SEMA3C: variants seen among roughly 807,000 people sequenced by gnomAD.
The protein encoded by SEMA3C is semaphorin-3C.
SEMA3C carries 47 observed loss-of-function variants against 89.4 expected under a neutral mutation model. The ratio of observed to expected loss-of-function variants is 0.53; its 90% CI spans 0.42 to 0.67. SEMA3C has a LOEUF of 0.67. Ranked by LOEUF, SEMA3C falls within the 30% of genes least tolerant of loss-of-function variation. The pLI is 0.00. For synonymous variants in SEMA3C, 310 were observed against 320.2 expected (o/e 0.97, Z 0.34); for missense variants, 839 against 929.1 (o/e 0.90, Z 1.26).
At chr7:80,876,755 G>C (rs1791212989) in intron 2 of SEMA3C, among the ~76,000 whole-genome samples, 2 of 152,048 alleles carry the variant, frequency 1.3e-5, no homozygotes, top group African/African-American at 4.8e-5. Flanking sequence ...ATTTAAATTA[G>C]GCCACAATGA....
intron 2 of SEMA3C, among the ~76,000 whole-genome samples, chr7:80,894,648 T>C (rs1220835353): frequency 6.6e-6 from 1 of 152,180 alleles, no homozygotes; most frequent in Non-Finnish European, 1.5e-5. Flanking sequence ...GAGCAAACAG[T>C]GGATATTTTA....
In SEMA3C at chr7:80,916,754, C is replaced by T. The variant is rs147398619; in HGVS notation, c.28G>A (p.Val10Ile). The T allele has an allele frequency of 6.2e-7, 1 of 1,613,438 alleles. No homozygotes were observed. Among genetic ancestry groups the T allele is most frequent in the Non-Finnish European group, 8.5e-7 (1 of 1,179,678 alleles). Residue 10 changes from valine to isoleucine, a missense_variant, in exon 2 of 18, where the codon GTT (valine) becomes ATT (isoleucine). Coordinates refer to ENST00000265361, the MANE Select transcript of SEMA3C (RefSeq NM_006379.5). Reference protein sequence around the residue: MAFRTICVLVGVFICSICVK... With the variant: MAFRTICVLIGVFICSICVK... ...CAGATAGAACAAATAAATACTCCAA[C>T]CAACACGCAAATTGTCCGGAATGCC...
intron 2 of SEMA3C, among the ~76,000 whole-genome samples, chr7:80,898,366 AAAAC>A (rs201373386): frequency 2.0e-5 from 3 of 149,936 alleles, no homozygotes; most frequent in African/African-American, 5.0e-5. Flanking sequence ...ATTTTGTCTC[AAAAC>A]AAACAAACAA....
Position 80,909,070 on chromosome 7 carries a change from C to T in SEMA3C, c.103+7609G>A, listed in dbSNP as rs192700511. The stretch of plus-strand genomic sequence containing the variant: ...AATATAATGTAATTTTACTCATAGA[C>T]GATGTGAGTGTGTGTATGTGTGTGT... On this transcript the variant is annotated intron_variant, in intron 2 of 17. Coordinates refer to ENST00000265361, the MANE Select transcript of SEMA3C (RefSeq NM_006379.5). Among the ~76,000 whole-genome samples the T allele has an allele frequency of 4.3e-3, 650 of 151,868 alleles. 5 individuals carry two copies. The highest frequency in any genetic ancestry group is 0.014 in the African/African-American group (590 of 41,422).
intron 2 of SEMA3C, among the ~76,000 whole-genome samples, chr7:80,881,953 T>C (rs576838657): frequency 1.3e-5 from 2 of 152,286 alleles, no homozygotes. Context: ...TGCAACGTTG[T>C]TGATTTAATA....
chr7:80,914,909 T>C (rs1792233271), intron 2 of SEMA3C, among the ~76,000 whole-genome samples: 1 of 152,242 alleles, frequency 6.6e-6, no homozygotes, highest in South Asian at 2.1e-4. Context: ...TAAAAGATTA[T>C]ACTATGTAAT....
chr7:80,899,897 A>G (rs184718313), intron 2 of SEMA3C, among the ~76,000 whole-genome samples: 120 of 152,324 alleles, frequency 7.9e-4, no homozygotes, highest in African/African-American at 2.6e-3. Flanking sequence ...TAATATACCC[A>G]GACAATACAT....
intron 12 of SEMA3C, among the ~76,000 whole-genome samples, chr7:80,782,372 G>C (rs997780529): frequency 4.6e-5 from 7 of 152,150 alleles, no homozygotes; most frequent in Admixed American, 4.6e-4. Flanking sequence ...GTTAAAATGA[G>C]TGCTATCACT....
chr7:80,854,091 G>A (rs1790579499), intron 2 of SEMA3C, among the ~76,000 whole-genome samples: 1 of 152,120 alleles, frequency 6.6e-6, no homozygotes, highest in Admixed American at 6.5e-5. Flanking sequence ...AATTAATATA[G>A]TATGTTTATA....
intron 2 of SEMA3C, among the ~76,000 whole-genome samples, chr7:80,862,571 C>T (rs1340517376): frequency 6.6e-6 from 1 of 152,102 alleles, no homozygotes; most frequent in Non-Finnish European, 1.5e-5. Flanking sequence ...CATCATTCTT[C>T]ACATAATTAG....
At chr7:80,783,014 T>C (rs1052359758) in intron 12 of SEMA3C, among the ~76,000 whole-genome samples, 7 of 152,130 alleles carry the variant, frequency 4.6e-5, no homozygotes, top group African/African-American at 1.7e-4. Context: ...GAACCAATTA[T>C]CATATATATT....
At chr7:80,829,272 C>A (rs1789955031) in intron 2 of SEMA3C, among the ~76,000 whole-genome samples, 1 of 152,050 alleles carries the variant, frequency 6.6e-6, no homozygotes, top group African/African-American at 2.4e-5. Flanking sequence ...TATGTGATTA[C>A]AAAATCAGTC....
intron 2 of SEMA3C, among the ~76,000 whole-genome samples, chr7:80,909,772 G>A (rs1792100541): frequency 6.6e-6 from 1 of 152,024 alleles, no homozygotes. Flanking sequence ...GACAAGACTA[G>A]TATGTTCATT....
chr7:80,916,645 A>C, intron 2 of SEMA3C, 34 bp downstream of exon 2: 1 of 1,575,784 alleles, frequency 6.3e-7, no homozygotes, highest in South Asian at 1.2e-5. Context: ...ACTTAAAATA[A>C]CATTTTTCCC....
intron 4 of SEMA3C, among the ~76,000 whole-genome samples, chr7:80,818,826 T>A (rs1031919834): frequency 1.3e-5 from 2 of 152,154 alleles, no homozygotes; most frequent in African/African-American, 4.8e-5. Flanking sequence ...TTGCACCTCT[T>A]AAAGGTAATT....
chr7:80,758,302 G>A (rs753239208), intron 15 of SEMA3C, 29 bp downstream of exon 15: 1 of 1,595,474 alleles, frequency 6.3e-7, no homozygotes, highest in Non-Finnish European at 8.5e-7. Context: ...TCCTACATTT[G>A]GATGTTGAGC....
chr7:80,803,256 T>G (rs1327796912), intron 8 of SEMA3C, among the ~76,000 whole-genome samples: 1 of 152,152 alleles, frequency 6.6e-6, no homozygotes, highest in African/African-American at 2.4e-5. Flanking sequence ...TCACATAATT[T>G]TCAGTATTTC....
chr7:80,853,375 A>G (rs971049727), intron 2 of SEMA3C, among the ~76,000 whole-genome samples: 1 of 152,248 alleles, frequency 6.6e-6, no homozygotes, highest in African/African-American at 2.4e-5. Flanking sequence ...CCAAGTGTCC[A>G]TCCACAGACA....
intron 11 of SEMA3C, among the ~76,000 whole-genome samples, chr7:80,795,332 G>T (rs991178356): frequency 5.9e-5 from 9 of 152,102 alleles, no homozygotes; most frequent in African/African-American, 2.2e-4. Context: ...AGTTCCAAAG[G>T]TCACTCCTAC....
Sources: gnomAD v4.1 joint callset for allele counts (sites outside exome capture counted in the v4.1 genomes callset) on GRCh38, gnomAD v4.1.1 for gene constraint, MANE v1.5 for transcripts, NCBI Gene and HGNC (gene_info 2026-07-23, HGNC 2026-07-21) for gene names.